Variants in ZNF469 observed in about 807,000 individuals in gnomAD.
ZNF469 encodes zinc finger protein 469.
A neutral mutation model predicts 1.0 loss-of-function variants in ZNF469; 1 was observed. The observed-to-expected ratio is 1.00, with a 90% CI of 0.35 to 4.73. The LOEUF (loss-of-function observed/expected upper bound fraction) is 4.73, where lower values mean the gene tolerates loss of function less well. ZNF469 is among the 30% of genes most tolerant of loss of function. The pLI is 0.16. For synonymous variants in ZNF469, 2,703 were observed against 2,363.4 expected, an observed-to-expected ratio of 1.14 and a Z score of -4.17; for missense variants, 6,100 against 5,356.3, an observed-to-expected ratio of 1.14 and a Z score of -4.33.
the ZNF469 span, among the ~76,000 whole-genome samples, chr16:88,229,399 T>C: frequency 6.6e-6 from 1 of 152,180 alleles, no homozygotes; most frequent in Non-Finnish European, 1.5e-5. Context: ...GACTTAACGA[T>C]GATCTGGAGG....
the ZNF469 span, among the ~76,000 whole-genome samples, chr16:88,268,679 G>T: frequency 1.1e-4 from 17 of 152,342 alleles, no homozygotes; most frequent in Non-Finnish European, 1.8e-4. Flanking sequence ...GACCTGGGCC[G>T]CTGGGCTGAG....
the ZNF469 span, among the ~76,000 whole-genome samples, chr16:88,175,866 G>A: frequency 6.6e-6 from 1 of 152,310 alleles, no homozygotes; most frequent in East Asian, 1.9e-4. Context: ...GAGGAAATCC[G>A]TTTCACTGGT....
At chr16:88,219,992 A>G in the ZNF469 span, among the ~76,000 whole-genome samples, 2 of 152,290 alleles carry the variant, frequency 1.3e-5, no homozygotes, top group Non-Finnish European at 2.9e-5. Context: ...GCATCTGTAG[A>G]TGTTTGCTCA....
At chr16:88,173,841 G>C in the ZNF469 span, among the ~76,000 whole-genome samples, 1 of 151,670 alleles carries the variant, frequency 6.6e-6, no homozygotes, top group Non-Finnish European at 1.5e-5. Flanking sequence ...AAAATTAAGG[G>C]ATAGCTAATA....
chr16:88,122,245 C>A, the ZNF469 span, among the ~76,000 whole-genome samples: 1 of 148,770 alleles, frequency 6.7e-6, no homozygotes, highest in Admixed American at 6.7e-5. Flanking sequence ...TCACTCGCTA[C>A]AGCCACGGCA....
the ZNF469 span, among the ~76,000 whole-genome samples, chr16:88,126,469 C>A: frequency 6.7e-6 from 1 of 149,548 alleles, no homozygotes; most frequent in East Asian, 2.0e-4. Flanking sequence ...ATTTCCTATC[C>A]CAGTTGTGCT....
chr16:88,133,100 C>T, the ZNF469 span, among the ~76,000 whole-genome samples: 4 of 152,222 alleles, frequency 2.6e-5, no homozygotes, highest in African/African-American at 4.8e-5. Context: ...CGTAGCTTTG[C>T]GGGAGAGCAC....
At chr16:88,355,589 G>A in the ZNF469 span, among the ~76,000 whole-genome samples, 2 of 152,206 alleles carry the variant, frequency 1.3e-5, no homozygotes, top group East Asian at 3.9e-4. Context: ...CAGTGCTGGT[G>A]GTCAGATCGG....
the ZNF469 span, among the ~76,000 whole-genome samples, chr16:88,196,833 C>T: frequency 6.6e-6 from 1 of 152,212 alleles, no homozygotes; most frequent in Admixed American, 6.5e-5. Context: ...TGTCCGATGC[C>T]AAAGCTCTTT....
rs571402857 is a variant in ZNF469, at chr16:88,395,844, G to A, written c.-192+12590G>A. The stretch of plus-strand genomic sequence containing the variant: ...GATGTTGACAGGCATCAGGCCGCAC[G>A]TCTTTCCTGGATGGATCAAAGGCCA... On this transcript the variant is annotated intron_variant, in intron 1 of 2. Transcript: ENST00000565624. Among the ~76,000 whole-genome samples, 126 of 152,312 alleles carry A rather than the reference G, an allele frequency of 8.3e-4. 1 individual carries two copies. The highest frequency in any genetic ancestry group is 2.9e-3 in the African/African-American group (121 of 41,570).
the ZNF469 span, among the ~76,000 whole-genome samples, chr16:88,115,231 CTG>C: frequency 1.3e-5 from 2 of 152,214 alleles, no homozygotes; most frequent in South Asian, 2.1e-4. Flanking sequence ...AAAACAGCCA[CTG>C]TGTTTATTTT....
At chr16:88,271,297 A>G in the ZNF469 span, among the ~76,000 whole-genome samples, 7 of 136,568 alleles carry the variant, frequency 5.1e-5, 1 homozygote, top group African/African-American at 1.7e-4. Flanking sequence ...GAATGTGGCA[A>G]CATGTGCAGC....
rs1401838321 is a variant in ZNF469 at position 88,429,394 on chromosome 16, C to G, written c.1924C>G (p.Gln642Glu). 1.3e-6 allele frequency: 2 copies of G among 1,549,280 alleles called. No individual in the cohort carries two copies. The highest frequency in any genetic ancestry group is 2.4e-5 in the South Asian group (2 of 84,042). ...CTTCTTCCACCCACCCACTCACCCC[C>G]AGGAGACGGGCAGCCCCTTCCCGTC... ...SAFFHPPTHP[Q>E]ETGSPFPSPE... Residue 642 changes from glutamine (Q) to glutamate (E), a missense_variant, in exon 3 of 3, where the codon CAG (glutamine) becomes GAG (glutamate). Coordinates refer to ENST00000565624, the MANE Select transcript of ZNF469 (RefSeq NM_001367624.2).
At chr16:88,147,645 C>T in the ZNF469 span, among the ~76,000 whole-genome samples, 14 of 152,198 alleles carry the variant, frequency 9.2e-5, no homozygotes, top group South Asian at 4.1e-4. Context: ...AGTGTGCTCA[C>T]GGGACGCTGT....
chr16:88,340,364 G>C, the ZNF469 span, among the ~76,000 whole-genome samples: 29 of 152,310 alleles, frequency 1.9e-4, no homozygotes, highest in African/African-American at 7.0e-4. Flanking sequence ...TCAAAGGCCA[G>C]TTATCATAAG....
intron 1 of ZNF469, among the ~76,000 whole-genome samples, chr16:88,410,026 CAG>C (rs1052410731): frequency 2.7e-5 from 4 of 149,424 alleles, no homozygotes; most frequent in African/African-American, 9.9e-5. Context: ...CGATGAGAGT[CAG>C]GGGGTTCAGA....
chr16:88,432,746 A>G lies in ZNF469; in HGVS notation c.5276A>G (p.Gln1759Arg). 2 of 1,550,424 alleles carry G rather than the reference A, an allele frequency of 1.3e-6. No homozygotes were observed. Among genetic ancestry groups the G allele is most frequent in the Non-Finnish European group, 1.7e-6 (2 of 1,146,996 alleles). The change falls in exon 3 of 3, where the codon CAA becomes CGA. Residue 1759 changes from glutamine to arginine, a missense_variant. Transcript: ENST00000565624. ...AAGAATAAGGAGGCCGCCAGCTCAC[A>G]AGAAAGTGAAGACTCCCTGCGGCTG... is the stretch of plus-strand genomic sequence containing the variant. The part of the protein sequence containing the change: ...FPKNKEAASS[Q>R]ESEDSLRLLP...
chr16:88,202,196 C>T, the ZNF469 span, among the ~76,000 whole-genome samples: 29 of 152,172 alleles, frequency 1.9e-4, no homozygotes, highest in South Asian at 4.1e-4. Context: ...CCAGTTATAA[C>T]AAGGATCACA....
chr16:88,221,296 C>T, the ZNF469 span, among the ~76,000 whole-genome samples: 4 of 152,230 alleles, frequency 2.6e-5, no homozygotes, highest in Admixed American at 2.0e-4. Flanking sequence ...CAGCTTCCCA[C>T]GGCCGTGAGG....
Sources: allele counts gnomAD v4.1 joint callset (sites outside exome capture counted in the v4.1 genomes callset), GRCh38; gene constraint gnomAD v4.1.1; transcripts MANE v1.5; gene names NCBI Gene and HGNC (gene_info 2026-07-23, HGNC 2026-07-21).